BAZ1A: variants seen among roughly 807,000 people sequenced by gnomAD.
The protein encoded by BAZ1A is bromodomain adjacent to zinc finger domain protein 1A.
A neutral mutation model predicts 185.2 loss-of-function variants in BAZ1A; 50 were observed. The observed-to-expected ratio is 0.27, with a 90% CI of 0.22 to 0.34. The LOEUF is 0.34. Ranked by LOEUF, BAZ1A falls within the 10% of genes least tolerant of loss-of-function variation. The pLI is 1.00. For synonymous variants in BAZ1A, 571 were observed against 615.6 expected, an observed-to-expected ratio of 0.93 and a Z score of 1.07; for missense variants, 1,356 against 1,839.9, an observed-to-expected ratio of 0.74 and a Z score of 4.81.
At chr14:34,806,955 C>CCCAGGCTGGTCT (rs893005013) in intron 6 of BAZ1A, among the ~76,000 whole-genome samples, 5 of 150,606 alleles carry the variant, frequency 3.3e-5, no homozygotes, top group African/African-American at 1.2e-4. Context: ...TGCCATGTTT[C>CCCAGGCTGGTCT]CCAGGCTGGT....
chr14:34,864,528 T>C (rs1594915253), intron 2 of BAZ1A, among the ~76,000 whole-genome samples: 1 of 152,268 alleles, frequency 6.6e-6, no homozygotes, highest in East Asian at 1.9e-4. Context: ...TCACCCAGAC[T>C]GGAGTGCAGT....
chr14:34,827,517 C>T lies in BAZ1A; in HGVS notation c.393-1361G>A, dbSNP rs529187388. On this transcript the variant is annotated intron_variant, in intron 3 of 26. Coordinates refer to ENST00000360310, the MANE Select transcript of BAZ1A (RefSeq NM_013448.3). ...TTGGGAGGCCGAGGCGGGTGGATCA[C>T]GAGGTCAGAAGATCGAGACCATCCT... is the stretch of plus-strand genomic sequence containing the variant. Among the ~76,000 whole-genome samples the T allele has an allele frequency of 1.2e-4, 18 of 152,098 alleles. No individual in the cohort carries two copies. In the South Asian group the frequency reaches 1.2e-3, roughly 11 times the overall value.
At chr14:34,857,252 CGCCTTG>C (rs909996714) in intron 3 of BAZ1A, among the ~76,000 whole-genome samples, 2 of 151,904 alleles carry the variant, frequency 1.3e-5, no homozygotes, top group African/African-American at 4.8e-5. Flanking sequence ...ATGATCTGCC[CGCCTTG>C]GCCTCCCAAA....
chr14:34,833,105 G>A (rs4982223), intron 3 of BAZ1A, among the ~76,000 whole-genome samples: 44,949 of 152,040 alleles, frequency 0.3, 6,917 homozygotes, highest in Admixed American at 0.39. Context: ...AGCCAGGTGT[G>A]GTGGTGCACA....
chr14:34,805,516 A>C (rs996913745), intron 6 of BAZ1A, among the ~76,000 whole-genome samples: 6 of 152,184 alleles, frequency 3.9e-5, no homozygotes, highest in African/African-American at 1.4e-4. Flanking sequence ...ATATACAACT[A>C]TTCACATATA....
At chr14:34,816,098 T>TC (rs1455312122) in intron 4 of BAZ1A, among the ~76,000 whole-genome samples, 2 of 143,764 alleles carry the variant, frequency 1.4e-5, no homozygotes, top group Admixed American at 1.4e-4. Flanking sequence ...TTTTTTTTTT[T>TC]TTTTTTTGAG....
chr14:34,773,647 CCATTTT>C lies in BAZ1A; in HGVS notation c.3071_3076del (p.Glu1024_Asn1025del), dbSNP rs1373736769. 6.2e-7 allele frequency: 1 copy of C among 1,613,280 alleles called. No individual in the cohort carries two copies. The highest frequency in any genetic ancestry group is 8.5e-7 in the Non-Finnish European group (1 of 1,179,574). On this transcript the variant is annotated inframe_deletion, in exon 20 of 27. Coordinates refer to ENST00000360310, the MANE Select transcript of BAZ1A (RefSeq NM_013448.3). ...GTCTTCATTCACAGTTTTAATTATCCCATTTTCCTTGTTTTCCTCACTTAACAGCTC... is the reference window on the plus strand; with the variant it reads ...GTCTTCATTCACAGTTTTAATTATCCCCTTGTTTTCCTCACTTAACAGCTC...
At position 34,792,853 on chromosome 14, in the gene BAZ1A, G is replaced by T; in HGVS notation, c.1432C>A (p.Leu478Met). 6.2e-7 allele frequency: 1 copy of T among 1,613,480 alleles called. No homozygotes were observed. Among genetic ancestry groups the T allele is most frequent in the Non-Finnish European group, 8.5e-7 (1 of 1,179,850 alleles). The change falls in exon 12 of 27, where the codon CTG becomes ATG. Residue 478 changes from leucine (L) to methionine (M), a missense_variant. Coordinates refer to ENST00000360310, the MANE Select transcript of BAZ1A (RefSeq NM_013448.3). ...GCTATTGCCTGGAAGATTGCAGTCA[G>T]GAAGAAAAAAAGCAATTCACACAGT... ...GPLCELLFFF[L>M]TAIFQAIAEE...
In BAZ1A at chr14:34,769,853, CA is replaced by C. The variant is rs201481221; in HGVS notation, c.3301+1657del. Among the ~76,000 whole-genome samples, 1,425 of 152,216 alleles carry C rather than the reference CA, an allele frequency of 9.4e-3. 23 individuals are homozygous for C. Among genetic ancestry groups the C allele is most frequent in the African/African-American group, 0.033 (1,370 of 41,530 alleles). Reference sequence around the variant, plus strand: ...CCTTGTACACATAACTGGATTTACACAAAGAAAATCCTAAGAAATACTGAAG... The same window carrying C: ...CCTTGTACACATAACTGGATTTACACAAGAAAATCCTAAGAAATACTGAAG... On this transcript the variant is annotated intron_variant, in intron 21 of 26. Coordinates refer to ENST00000360310, the MANE Select transcript of BAZ1A (RefSeq NM_013448.3).
At chr14:34,869,880 A>G (rs913917185) in intron 2 of BAZ1A, among the ~76,000 whole-genome samples, 2 of 152,174 alleles carry the variant, frequency 1.3e-5, no homozygotes, top group African/African-American at 4.8e-5. Flanking sequence ...TTGAAACTCT[A>G]AGACCACCAT....
At chr14:34,866,767 A>T (rs1003868150) in intron 2 of BAZ1A, among the ~76,000 whole-genome samples, 1 of 152,062 alleles carries the variant, frequency 6.6e-6, no homozygotes, top group Non-Finnish European at 1.5e-5. Flanking sequence ...CTTCAAATCT[A>T]AACATCTTAT....
intron 3 of BAZ1A, among the ~76,000 whole-genome samples, chr14:34,856,142 A>T (rs1291765340): frequency 6.6e-6 from 1 of 152,198 alleles, no homozygotes. Flanking sequence ...AGGTTAAAAG[A>T]CTTATTCAGT....
At position 34,874,440 on chromosome 14, in the gene BAZ1A, G is replaced by GC; in HGVS notation, c.113+51dup. On this transcript the variant is annotated intron_variant, in intron 2 of 26. Coordinates refer to ENST00000360310, the MANE Select transcript of BAZ1A (RefSeq NM_013448.3). The surrounding 1 kb of genome is among the most constrained non-coding windows in gnomAD (Gnocchi z 4.7). Reference sequence around the variant, plus strand: ...AAAAGGAGAGAGACAAAAGAGCGCTGCGGGGGGAGTCCCCACACCCCCCGC... The same window carrying GC: ...AAAAGGAGAGAGACAAAAGAGCGCTGCCGGGGGGAGTCCCCACACCCCCCGC... 6.7e-7 allele frequency: 1 copy of GC among 1,489,316 alleles called. No homozygotes were observed. The highest frequency in any genetic ancestry group is 1.7e-5 in the Admixed American group (1 of 59,416). 92.3% of individuals were successfully genotyped at this position (1,489,316 alleles called of 1,614,324 possible).
At chr14:34,857,281 C>T (rs1037077437) in intron 3 of BAZ1A, among the ~76,000 whole-genome samples, 14 of 152,172 alleles carry the variant, frequency 9.2e-5, no homozygotes, top group Middle Eastern at 3.4e-3. Flanking sequence ...GCTGGGATTA[C>T]AGGCTTGAGC....
Position 34,764,932 on chromosome 14 carries a change from G to A in BAZ1A, c.3551C>T (p.Thr1184Ile), listed in dbSNP as rs776470777. ...HTYCVRPKLK[T>I]VPEGDWFCPE... The stretch of plus-strand genomic sequence containing the variant: ...ACAAAACCAGTCTCCTTCAGGCACA[G>A]TCTGAAAAAATCACATAAATGATCA... Residue 1184 changes from threonine to isoleucine, a missense_variant and splice_region_variant, in exon 23 of 27, where the codon ACT becomes ATT. By Grantham distance (89) the Thr-to-Ile change is moderately conservative. Transcript: ENST00000360310. 23 of 1,613,836 alleles carry A rather than the reference G, an allele frequency of 1.4e-5. No homozygotes were observed. Among genetic ancestry groups the A allele is most frequent in the Non-Finnish European group, 1.9e-5 (22 of 1,179,972 alleles).
chr14:34,822,987 C>A (rs80146036), intron 4 of BAZ1A, among the ~76,000 whole-genome samples: 2 of 152,284 alleles, frequency 1.3e-5, no homozygotes, highest in East Asian at 3.9e-4. Context: ...AGCATGCTGA[C>A]CCCCAGAATC....
At chr14:34,800,840 C>CA (rs540867530) in intron 8 of BAZ1A, among the ~76,000 whole-genome samples, 185 of 152,274 alleles carry the variant, frequency 1.2e-3, no homozygotes, top group African/African-American at 4.4e-3. Context: ...CCTGGAAACT[C>CA]AAACTTCTGC....
chr14:34,872,719 C>A (rs1319984137), intron 2 of BAZ1A, among the ~76,000 whole-genome samples: 2 of 152,028 alleles, frequency 1.3e-5, no homozygotes, highest in Non-Finnish European at 2.9e-5. Flanking sequence ...AACCAAAGTG[C>A]CTTAAGAGTG....
chr14:34,809,865 T>A (rs773752342), intron 5 of BAZ1A, among the ~76,000 whole-genome samples: 16 of 152,172 alleles, frequency 1.1e-4, no homozygotes, highest in Non-Finnish European at 2.1e-4. Context: ...ATATCTGTAG[T>A]CTCAACAATT....
Sources: gnomAD v4.1 joint callset for allele counts (sites outside exome capture counted in the v4.1 genomes callset) on GRCh38, gnomAD v4.1.1 for gene constraint, Gnocchi (gnomAD v3.1) non-coding constraint, MANE v1.5 for transcripts, NCBI Gene and HGNC (gene_info 2026-07-23, HGNC 2026-07-21) for gene names.